Variants in ST6GALNAC4 observed in about 807,000 individuals in gnomAD.
ST6GALNAC4 encodes ST6 N-acetylgalactosaminide alpha-2,6-sialyltransferase 4, also known as alpha-N-acetyl-neuraminyl-2,3-beta-galactosyl-1,3-N-acetyl-galactosaminide alpha-2,6-sialyltransferase.
In ST6GALNAC4, 24 loss-of-function variants were observed where a neutral mutation model predicts 30.4. The observed-to-expected ratio is 0.79, with a 90% CI of 0.57 to 1.11. The LOEUF is 1.11. Among genes scored for constraint, ST6GALNAC4 ranks in the 50% most tolerant of loss-of-function variants. The pLI is 0.00. For missense variants in ST6GALNAC4, 365 were observed against 430.1 expected (o/e 0.85, Z 1.34); for synonymous variants, 156 against 179.7 (o/e 0.87, Z 1.05).
chr9:127,914,521 A>AAAAAAC, intron 3 of ST6GALNAC4, 135 bp downstream of exon 3: 3 of 448,462 alleles, frequency 6.7e-6, no homozygotes, highest in Non-Finnish European at 1.1e-5. Context: ...AAAAAAAAAG[A>AAAAAAC]ACCTAGGGCT....
chr9:127,908,168 A>G lies in ST6GALNAC4; in HGVS notation c.*224T>C. On this transcript the variant is annotated 3_prime_UTR_variant, in exon 6 of 6. Transcript: ENST00000335791. Reference sequence around the variant, plus strand: ...CCCAAATGCCGTGAATTACTCAGGGAGTGGAGGGGGGAGACACGGCTCCCC... The same window carrying G: ...CCCAAATGCCGTGAATTACTCAGGGGGTGGAGGGGGGAGACACGGCTCCCC... 5.2e-6 allele frequency: 1 copy of G among 191,524 alleles called. No homozygotes were observed. 11.9% of individuals were successfully genotyped at this position (191,524 alleles called of 1,614,324 possible).
Position 127,910,025 on chromosome 9 carries a change from C to T in ST6GALNAC4, c.645G>A (p.Trp215Ter). The T allele has an allele frequency of 6.2e-7, 1 of 1,613,532 alleles. No homozygotes were observed. The change falls in exon 5 of 6, where the codon TGG becomes TGA. Residue 215 changes from tryptophan to a stop codon, truncating the protein, a stop_gained. Coordinates refer to ENST00000335791, the MANE Select transcript of ST6GALNAC4 (RefSeq NM_175039.4). LOFTEE classifies it high-confidence loss of function. ...RQSGSFLSTG[W>*]FTMILALELC... is the part of the protein sequence containing the mutation. ...GCTCCAGCGCGAGGATCATGGTGAA[C>T]CAGCCGGTGCTGAGGAAGGAGCCCG...
At position 127,912,517 on chromosome 9, in the gene ST6GALNAC4, A is replaced by C; in HGVS notation, c.362T>G (p.Leu121Arg). 6.2e-7 allele frequency: 1 copy of C among 1,613,834 alleles called. No homozygotes were observed. The highest frequency in any genetic ancestry group is 8.5e-7 in the Non-Finnish European group (1 of 1,179,910). Reference sequence around the variant, plus strand: ...CACGCTTGTGTGTGAGACGACACGCAGGGTGCTGCGCTGGCCCACATCCGC... The same window carrying C: ...CACGCTTGTGTGTGAGACGACACGCCGGGTGCTGCGCTGGCCCACATCCGC... ...FEADVGQRST[L>R]RVVSHTSVPL... Residue 121 changes from leucine to arginine, a missense_variant, in exon 4 of 6, where the codon CTG becomes CGG. Physicochemically the swap from Leu to Arg is moderately radical, Grantham distance 102. Transcript: ENST00000335791.
At chr9:127,915,176 T>G (rs1299064660) in intron 2 of ST6GALNAC4, among the ~76,000 whole-genome samples, 1 of 152,184 alleles carries the variant, frequency 6.6e-6, no homozygotes, top group Non-Finnish European at 1.5e-5. Flanking sequence ...AACTGGAGGC[T>G]AGGGTGTACT....
intron 5 of ST6GALNAC4, 114 bp from the exon 6 acceptor site, chr9:127,908,695 C>A (rs1025217670): frequency 1.0e-6 from 1 of 988,272 alleles, no homozygotes; most frequent in Non-Finnish European, 1.4e-6. Context: ...AAGACCCACG[C>A]CTGATCCCTG....
Position 127,914,639 on chromosome 9 carries a change from T to C in ST6GALNAC4, c.198+17A>G. On this transcript the variant is annotated intron_variant, in intron 3 of 5. Coordinates refer to ENST00000335791, the MANE Select transcript of ST6GALNAC4 (RefSeq NM_175039.4). The stretch of plus-strand genomic sequence containing the variant: ...GCTCTCACTACCCACCCCGGATGCA[T>C]TGCCTGGCCCACTCACCTTCCCATC... The C allele has an allele frequency of 1.9e-6, 3 of 1,592,616 alleles. No individual in the cohort carries two copies. The highest frequency in any genetic ancestry group is 1.7e-6 in the Non-Finnish European group (2 of 1,170,236).
intron 2 of ST6GALNAC4, 43 bp downstream of exon 2, chr9:127,916,365 G>A (rs369549640): frequency 4.3e-6 from 7 of 1,613,808 alleles, no homozygotes; most frequent in Non-Finnish European, 5.9e-6. Context: ...TCCGCCAGTC[G>A]GGGCCTCTGC....
At chr9:127,909,326 T>C (rs972702370) in intron 5 of ST6GALNAC4, among the ~76,000 whole-genome samples, 7 of 150,878 alleles carry the variant, frequency 4.6e-5, no homozygotes, top group Middle Eastern at 3.4e-3. Flanking sequence ...GAGGTGGAGG[T>C]TGCAGTGAGC....
At chr9:127,910,214 C>T in intron 4 of ST6GALNAC4, 156 bp from the exon 5 acceptor site, 1 of 1,427,352 alleles carries the variant, frequency 7.0e-7, no homozygotes, top group South Asian at 1.4e-5. Context: ...CAGAGCCAGC[C>T]CAAGGCCAGC....
chr9:127,909,292 G>A (rs1831014811), intron 5 of ST6GALNAC4, among the ~76,000 whole-genome samples: 1 of 151,808 alleles, frequency 6.6e-6, no homozygotes, highest in Admixed American at 6.6e-5. Flanking sequence ...GGGAGGCTGA[G>A]GCAGGAGAAT....
intron 4 of ST6GALNAC4, among the ~76,000 whole-genome samples, chr9:127,911,751 C>G (rs1831078369): frequency 6.6e-6 from 1 of 152,198 alleles, no homozygotes; most frequent in African/African-American, 2.4e-5. Flanking sequence ...TCCCAAAGTG[C>G]TCGGATTACA....
chr9:127,915,729 C>T (rs1831180758), intron 2 of ST6GALNAC4, among the ~76,000 whole-genome samples: 1 of 152,172 alleles, frequency 6.6e-6, no homozygotes, highest in Admixed American at 6.5e-5. Flanking sequence ...AGTGGGCCAC[C>T]CTGGTCACCA....
At position 127,908,140 on chromosome 9, in the gene ST6GALNAC4, G is replaced by A. The variant is rs1179849607; in HGVS notation, c.*252C>T. ...CTTGACAGACCTGGAGGTGGGGTGA[G>A]CCCCCAAATGCCGTGAATTACTCAG... On this transcript the variant is annotated 3_prime_UTR_variant, in exon 6 of 6. Coordinates refer to ENST00000335791, the MANE Select transcript of ST6GALNAC4 (RefSeq NM_175039.4). 3.9e-5 allele frequency: 10 copies of A among 257,638 alleles called. No homozygotes were observed. In the East Asian group the frequency reaches 4.7e-4, roughly 12 times the overall value. 16.0% of individuals were successfully genotyped at this position (257,638 alleles called of 1,614,324 possible).
At chr9:127,916,163 T>C (rs1831190353) in intron 2 of ST6GALNAC4, 1 of 584,886 alleles carries the variant, frequency 1.7e-6, no homozygotes, top group African/African-American at 1.9e-5. Context: ...CTTTGCCTGG[T>C]GAGCTCGTAG....
intron 4 of ST6GALNAC4, chr9:127,910,269 C>G (rs1219181990): frequency 2.9e-6 from 4 of 1,356,918 alleles, no homozygotes; most frequent in Non-Finnish European, 3.8e-6. Flanking sequence ...GCCTGATCAC[C>G]TCCTCAGCAC....
At chr9:127,908,982 T>G (rs1010600391) in intron 5 of ST6GALNAC4, among the ~76,000 whole-genome samples, 1 of 151,950 alleles carries the variant, frequency 6.6e-6, no homozygotes, top group African/African-American at 2.4e-5. Context: ...CACGCCCACC[T>G]CCCCATCAGC....
chr9:127,915,315 G>A (rs1480581758), intron 2 of ST6GALNAC4, among the ~76,000 whole-genome samples: 1 of 152,098 alleles, frequency 6.6e-6, no homozygotes, highest in Non-Finnish European at 1.5e-5. Context: ...AAAGTGCTGT[G>A]CACATGACAA....
At chr9:127,916,762 G>C in intron 1 of ST6GALNAC4, 64 bp downstream of exon 1, 1 of 467,546 alleles carries the variant, frequency 2.1e-6, no homozygotes, top group Non-Finnish European at 3.9e-6. Context: ...CCCAGCTCAA[G>C]GTCACCCATC....
In ST6GALNAC4 at chr9:127,916,431, C is replaced by T. The variant is rs765125682; in HGVS notation, c.-12G>A. On this transcript the variant is annotated 5_prime_UTR_variant, in exon 2 of 6. Transcript: ENST00000335791. The stretch of plus-strand genomic sequence containing the variant: ...ACCGGAGCCTTCATGCTGTCGCTGT[C>T]CCTCAGTAGTCTAGGGGCTGCTGTC... The T allele has an allele frequency of 2.5e-6, 4 of 1,614,056 alleles. No homozygotes were observed. The Admixed American group carries it at 5.0e-5, about 20-fold the overall frequency.
Sources: allele counts gnomAD v4.1 joint callset (sites outside exome capture counted in the v4.1 genomes callset), GRCh38; gene constraint gnomAD v4.1.1; transcripts MANE v1.5; gene names NCBI Gene and HGNC (gene_info 2026-07-23, HGNC 2026-07-21).